WWOX: variants seen among roughly 807,000 people sequenced by gnomAD.
WWOX encodes WW domain containing oxidoreductase, also known as WW domain-containing oxidoreductase.
WWOX carries 69 observed loss-of-function variants against 46.2 expected under a neutral mutation model. The observed-to-expected ratio is 1.49, with a 90% CI of 1.23 to 1.82. WWOX has a LOEUF of 1.82. WWOX is among the 40% of genes most tolerant of loss of function. The probability of loss-of-function intolerance (pLI) is 0.00; values close to 1 mark genes in which losing one functional copy is unlikely to be tolerated. For synonymous variants in WWOX, 359 were observed against 202.6 expected (o/e 1.77, Z -6.56); for missense variants, 919 against 542.6 (o/e 1.69, Z -6.89).
At chr16:78,811,377 A>G (rs62036181) in intron 8 of WWOX, among the ~76,000 whole-genome samples, 6,712 of 152,164 alleles carry the variant, frequency 0.044, 186 homozygotes, top group Non-Finnish European at 0.064. Context: ...TTCCTTTGAG[A>G]AGCTATCACT....
chr16:78,467,909 C>CT (rs1567590440), intron 8 of WWOX, among the ~76,000 whole-genome samples: 5 of 152,200 alleles, frequency 3.3e-5, no homozygotes, highest in African/African-American at 4.8e-5. Context: ...ACTGATCAGC[C>CT]TGGCTTCTTT....
At position 78,099,699 on chromosome 16, in the gene WWOX, C is replaced by A; in HGVS notation, c.-80C>A. 1 of 1,464,766 alleles carries A rather than the reference C, an allele frequency of 6.8e-7. No homozygotes were observed. Among genetic ancestry groups the A allele is most frequent in the East Asian group, 2.6e-5 (1 of 38,034 alleles). The allele number at this position is 1,464,766 out of a possible 1,614,324, so 90.7% of individuals were successfully genotyped here. On this transcript the variant is annotated 5_prime_UTR_variant, in exon 1 of 9. Coordinates refer to ENST00000566780, the MANE Select transcript of WWOX (RefSeq NM_016373.4). ...GTCGGGCCCCGACGCGCGCGGGTCTCGTTTGGAGCGGGAGTGAGTTCCTGA... is the reference window on the plus strand; with the variant it reads ...GTCGGGCCCCGACGCGCGCGGGTCTAGTTTGGAGCGGGAGTGAGTTCCTGA...
At chr16:78,257,276 A>G (rs2278075) in intron 5 of WWOX, among the ~76,000 whole-genome samples, 19 of 152,164 alleles carry the variant, frequency 1.2e-4, no homozygotes, top group Admixed American at 3.3e-4. Flanking sequence ...AAATAAGGCC[A>G]TGAGATTGCA....
intron 8 of WWOX, among the ~76,000 whole-genome samples, chr16:78,544,419 T>G (rs965303139): frequency 3.3e-5 from 5 of 152,218 alleles, no homozygotes; most frequent in Non-Finnish European, 7.3e-5. Context: ...CTTCATCTTA[T>G]TAAGTAGTCA....
At chr16:79,129,815 C>G (rs956302689) in intron 8 of WWOX, among the ~76,000 whole-genome samples, 1 of 152,102 alleles carries the variant, frequency 6.6e-6, no homozygotes, top group Non-Finnish European at 1.5e-5. Context: ...AGCTCATGGA[C>G]CAGTCGAAGG....
chr16:78,683,088 G>C (rs1416074047), intron 8 of WWOX, among the ~76,000 whole-genome samples: 1 of 152,148 alleles, frequency 6.6e-6, no homozygotes, highest in Non-Finnish European at 1.5e-5. Context: ...GACTCCAGAT[G>C]ACTTGTTTTG....
intron 8 of WWOX, among the ~76,000 whole-genome samples, chr16:78,712,770 G>C (rs2048470603): frequency 6.6e-6 from 1 of 152,122 alleles, no homozygotes. Flanking sequence ...TGATAACTAA[G>C]ACTTGCTTTA....
chr16:79,056,725 C>G (rs2048269530), intron 8 of WWOX, among the ~76,000 whole-genome samples: 1 of 152,220 alleles, frequency 6.6e-6, no homozygotes, highest in Non-Finnish European at 1.5e-5. Flanking sequence ...GATAAGTCTT[C>G]TCTACCGTAT....
At chr16:78,434,383 G>A (rs748774021) in intron 8 of WWOX, among the ~76,000 whole-genome samples, 17 of 152,132 alleles carry the variant, frequency 1.1e-4, no homozygotes, top group South Asian at 2.1e-4. Flanking sequence ...CTGCATAAGC[G>A]CAGCCTCTTC....
rs541287395 is a variant in WWOX at position 78,737,612 on chromosome 16, A to C, written c.1056+304860A>C. Among the ~76,000 whole-genome samples the C allele has an allele frequency of 3.3e-5, 5 of 152,154 alleles. No homozygotes were observed. The South Asian group carries it at 8.3e-4, about 25-fold the overall frequency. On this transcript the variant is annotated intron_variant, in intron 8 of 8. Coordinates refer to ENST00000566780, the MANE Select transcript of WWOX (RefSeq NM_016373.4). ...TCCCACCCTTCTCCCTGAGTTCCCAAAGTCCATTGTATCATTCTTCTGCCT... is the reference window on the plus strand; with the variant it reads ...TCCCACCCTTCTCCCTGAGTTCCCACAGTCCATTGTATCATTCTTCTGCCT...
chr16:78,134,412 T>G (rs867410059), intron 4 of WWOX, among the ~76,000 whole-genome samples: 1 of 152,316 alleles, frequency 6.6e-6, no homozygotes, highest in South Asian at 2.1e-4. Context: ...TAAGTCTTTT[T>G]GGGAACCGTT....
At chr16:78,863,587 G>C (rs2043939669) in intron 8 of WWOX, among the ~76,000 whole-genome samples, 1 of 152,198 alleles carries the variant, frequency 6.6e-6, no homozygotes, top group African/African-American at 2.4e-5. Flanking sequence ...AAGGGCCTAA[G>C]AGTGAATCTC....
intron 7 of WWOX, among the ~76,000 whole-genome samples, chr16:78,430,342 C>T (rs948455742): frequency 7.2e-5 from 11 of 152,102 alleles, no homozygotes; most frequent in South Asian, 2.1e-4. Context: ...ACAGCCGAAC[C>T]GTATCAGTCA....
intron 8 of WWOX, among the ~76,000 whole-genome samples, chr16:78,574,999 T>TTATATATATATATATATATATATATATA (rs1274999113): frequency 5.4e-5 from 2 of 37,036 alleles, no homozygotes; most frequent in Non-Finnish European, 1.2e-4. Flanking sequence ...TATTTTTCAA[T>TTATATATATATATATATATATATATATA]TATATATATA....
intron 5 of WWOX, among the ~76,000 whole-genome samples, chr16:78,293,519 T>C (rs560693320): frequency 6.6e-6 from 1 of 152,246 alleles, no homozygotes; most frequent in East Asian, 1.9e-4. Context: ...TCACTTGTCT[T>C]CTCCTCTGAG....
chr16:78,114,018 A>G (rs117482065), intron 3 of WWOX, among the ~76,000 whole-genome samples: 1,620 of 151,516 alleles, frequency 0.011, 16 homozygotes, highest in Middle Eastern at 0.031. Flanking sequence ...TTTATCTCAT[A>G]TCCCAAGAAT....
At chr16:78,449,362 A>T (rs2083636930) in intron 8 of WWOX, among the ~76,000 whole-genome samples, 1 of 152,180 alleles carries the variant, frequency 6.6e-6, no homozygotes, top group Admixed American at 6.5e-5. Context: ...ACTGAGTCTG[A>T]TCGTTGTTAA....
intron 8 of WWOX, among the ~76,000 whole-genome samples, chr16:79,048,084 G>T (rs1049469593): frequency 2.0e-5 from 3 of 152,144 alleles, no homozygotes; most frequent in African/African-American, 4.8e-5. Context: ...GATATCAGGG[G>T]AAGATACAGG....
At chr16:78,150,195 T>A (rs1165435117) in intron 4 of WWOX, among the ~76,000 whole-genome samples, 1 of 152,152 alleles carries the variant, frequency 6.6e-6, no homozygotes, top group Non-Finnish European at 1.5e-5. Flanking sequence ...CAGGGAAATA[T>A]TTACTTATGT....
Sources: allele counts gnomAD v4.1 joint callset (sites outside exome capture counted in the v4.1 genomes callset), GRCh38; gene constraint gnomAD v4.1.1; transcripts MANE v1.5; gene names NCBI Gene and HGNC (gene_info 2026-07-23, HGNC 2026-07-21).